Variants in KIAA1586 observed in about 807,000 individuals in gnomAD.
KIAA1586 encodes the protein E3 SUMO-protein ligase KIAA1586.
Under a neutral mutation model 6.1 loss-of-function variants are expected in KIAA1586, and 5 were observed. The observed-to-expected ratio is 0.82, with a 90% CI of 0.43 to 1.73. KIAA1586 has a LOEUF of 1.73. Among genes scored for constraint, KIAA1586 ranks in the 40% most tolerant of loss-of-function variants. KIAA1586 has a pLI of 0.02. For synonymous variants in KIAA1586, 280 were observed against 301.7 expected (o/e 0.93, Z 0.75); for missense variants, 899 against 878.2 (o/e 1.02, Z -0.30).
intron 2 of KIAA1586, among the ~76,000 whole-genome samples, chr6:57,049,086 TAGA>T (rs1032438024): frequency 6.6e-6 from 1 of 152,204 alleles, no homozygotes; most frequent in Admixed American, 6.5e-5. Context: ...CTGTTCAAAA[TAGA>T]AGATCAAAGG....
chr6:57,055,777 C>T (rs1259413856), downstream of KIAA1586, among the ~76,000 whole-genome samples: 2 of 152,170 alleles, frequency 1.3e-5, no homozygotes, highest in Non-Finnish European at 2.9e-5. Flanking sequence ...ACAACTGGAA[C>T]AGTAAACAGA....
chr6:57,051,702 G>A (rs1022051269), intron 3 of KIAA1586, among the ~76,000 whole-genome samples: 1 of 152,168 alleles, frequency 6.6e-6, no homozygotes, highest in Non-Finnish European at 1.5e-5. Context: ...GGGAGGCCAA[G>A]GCTGGCAGAT....
At chr6:57,066,661 G>A in the KIAA1586 span, among the ~76,000 whole-genome samples, 3 of 152,254 alleles carry the variant, frequency 2.0e-5, no homozygotes, top group Admixed American at 1.3e-4. Flanking sequence ...ACTGATGCTC[G>A]CAACTGCATG....
At chr6:57,051,962 A>C (rs1828341313) in intron 3 of KIAA1586, among the ~76,000 whole-genome samples, 1 of 152,200 alleles carries the variant, frequency 6.6e-6, no homozygotes, top group Admixed American at 6.5e-5. Context: ...TGACAGAGCG[A>C]GACTCCGTCT....
rs962529233 is a variant in KIAA1586, at chr6:57,053,019, G to A, written c.520G>A (p.Ala174Thr). 1.2e-6 allele frequency: 2 copies of A among 1,613,760 alleles called. No individual in the cohort carries two copies. The highest frequency in any genetic ancestry group is 1.7e-6 in the Non-Finnish European group (2 of 1,179,894). The change falls in exon 4 of 4, where the codon GCA (alanine) becomes ACA (threonine). Residue 174 changes from alanine (A) to threonine (T), a missense_variant. Ala to Thr is a moderately conservative substitution (Grantham distance 58, BLOSUM62 0). Transcript: ENST00000370733. ...CSAVRHLGSK[A>T]EKHVHVSKEW... ...AGCAGTTCGGCATTTGGGATCGAAA[G>A]CAGAAAAGCATGTCCATGTGTCCAA...
intron 2 of KIAA1586, among the ~76,000 whole-genome samples, chr6:57,049,933 A>G (rs965316305): frequency 2.6e-5 from 4 of 152,196 alleles, no homozygotes; most frequent in African/African-American, 9.7e-5. Flanking sequence ...AAGCAGGGTT[A>G]TCAAAGAACT....
intron 2 of KIAA1586, 53 bp from the exon 3 acceptor site, chr6:57,050,721 G>T: frequency 8.0e-7 from 1 of 1,257,630 alleles, no homozygotes; most frequent in South Asian, 1.3e-5. Flanking sequence ...TTAAATTTAA[G>T]TTTAATTGGA....
the KIAA1586 span, among the ~76,000 whole-genome samples, chr6:57,065,089 A>G: frequency 6.6e-6 from 1 of 152,132 alleles, no homozygotes; most frequent in Non-Finnish European, 1.5e-5. Context: ...TTCAGGAAGT[A>G]TCGTTTTGCT....
downstream of KIAA1586, among the ~76,000 whole-genome samples, chr6:57,057,994 C>T (rs1186768880): frequency 6.6e-6 from 1 of 152,060 alleles, no homozygotes; most frequent in African/African-American, 2.4e-5. Flanking sequence ...AGGGTTTCCC[C>T]ATGATGCCCA....
intron 2 of KIAA1586, among the ~76,000 whole-genome samples, 157 bp from the exon 3 acceptor site, chr6:57,050,617 C>T (rs188719328): frequency 1.3e-5 from 2 of 152,116 alleles, no homozygotes; most frequent in African/African-American, 4.8e-5. Context: ...CTCCCAGCCC[C>T]TTTGCCCGTT....
the KIAA1586 span, among the ~76,000 whole-genome samples, chr6:57,065,225 C>A: frequency 6.6e-6 from 1 of 151,936 alleles, no homozygotes; most frequent in Non-Finnish European, 1.5e-5. Flanking sequence ...AAAAATGGGG[C>A]AATTTTTTTT....
At chr6:57,065,363 C>CAGA in the KIAA1586 span, among the ~76,000 whole-genome samples, 1 of 152,128 alleles carries the variant, frequency 6.6e-6, no homozygotes, top group Non-Finnish European at 1.5e-5. Context: ...TGTTGCTAAT[C>CAGA]AGAAGCCTAA....
chr6:57,055,440 GGTT>G (rs1828483465), downstream of KIAA1586, among the ~76,000 whole-genome samples: 1 of 151,810 alleles, frequency 6.6e-6, no homozygotes, highest in Non-Finnish European at 1.5e-5. Context: ...CATAAGATAT[GGTT>G]GTTGTAGTGT....
chr6:57,055,748 TGGCG>T (rs887735961), downstream of KIAA1586, among the ~76,000 whole-genome samples: 7 of 152,166 alleles, frequency 4.6e-5, no homozygotes, highest in African/African-American at 1.7e-4. Context: ...AAGAATCAAG[TGGCG>T]ATGCAGAACC....
chr6:57,054,656 A>G lies in KIAA1586; in HGVS notation c.2157A>G (p.Thr719=), dbSNP rs764372425. The part of the protein sequence containing the change: ...RGFNLMNIIC[T]RVRNSLTIDH... ...TCAATTTAATGAACATAATTTGTAC[A>G]AGGGTGAGAAATAGTTTAACAATAG... The change falls in exon 4 of 4, where the codon ACA becomes ACG. Residue 719 remains threonine (T), a synonymous_variant. Coordinates refer to ENST00000370733, the MANE Select transcript of KIAA1586 (RefSeq NM_020931.4). 1.9e-6 allele frequency: 3 copies of G among 1,565,130 alleles called. No individual in the cohort carries two copies. Among genetic ancestry groups the G allele is most frequent in the Non-Finnish European group, 2.6e-6 (3 of 1,152,618 alleles).
intron 1 of KIAA1586, 179 bp downstream of exon 1, chr6:57,046,955 T>C: frequency 1.2e-6 from 1 of 854,160 alleles, no homozygotes; most frequent in South Asian, 2.0e-5. Context: ...GCAGCAACAA[T>C]GGCCGCCCGG....
At chr6:57,063,166 C>T in the KIAA1586 span, among the ~76,000 whole-genome samples, 1 of 152,096 alleles carries the variant, frequency 6.6e-6, no homozygotes, top group Non-Finnish European at 1.5e-5. Flanking sequence ...TATTCTGCCT[C>T]TGACCTAGCT....
chr6:57,066,699 T>C, the KIAA1586 span, among the ~76,000 whole-genome samples: 1 of 152,208 alleles, frequency 6.6e-6, no homozygotes. Flanking sequence ...GGTGAATCCT[T>C]TGAACTTAAT....
chr6:57,054,872 A>G lies in KIAA1586; in HGVS notation c.*9A>G. ...TATGGAACTTAAAATAGAATATTGT[A>G]TACGTTTTTTGTCATCTGTAAATTA... On this transcript the variant is annotated 3_prime_UTR_variant, in exon 4 of 4. Coordinates refer to ENST00000370733, the MANE Select transcript of KIAA1586 (RefSeq NM_020931.4). 1 of 1,531,138 alleles carries G rather than the reference A, an allele frequency of 6.5e-7. No individual in the cohort carries two copies. The allele number at this position is 1,531,138 out of a possible 1,614,324, so 94.8% of individuals were successfully genotyped here. A position where few individuals can be genotyped will look rare whatever the true frequency, so the allele number is the denominator to read the frequency against.
Sources: allele counts gnomAD v4.1 joint callset (sites outside exome capture counted in the v4.1 genomes callset), GRCh38; gene constraint gnomAD v4.1.1; transcripts MANE v1.5; gene names NCBI Gene and HGNC (gene_info 2026-07-23, HGNC 2026-07-21).